The following MCC variants were observed in gnomAD, a reference collection of about 807,000 sequenced individuals.
The protein encoded by MCC is MCC regulator of Wnt signaling pathway.
Under a neutral mutation model 116.2 loss-of-function variants are expected in MCC, and 90 were observed. That is an observed-to-expected ratio of 0.77 (90% CI 0.65 to 0.92). MCC has a LOEUF of 0.92. Ranked by LOEUF, MCC falls within the 40% of genes least tolerant of loss-of-function variation. MCC has a pLI of 0.00. For missense variants in MCC, 1,516 were observed against 1,312.2 expected (o/e 1.16, Z -2.40); for synonymous variants, 578 against 510.5 (o/e 1.13, Z -1.78).
chr5:113,481,432 G>A (rs1448142663), intron 1 of MCC, among the ~76,000 whole-genome samples: 1 of 152,054 alleles, frequency 6.6e-6, no homozygotes, highest in African/African-American at 2.4e-5. Flanking sequence ...TAAATAATGA[G>A]ATTACAACAA....
chr5:113,268,348 C>G (rs528600423), intron 3 of MCC, among the ~76,000 whole-genome samples: 1 of 152,212 alleles, frequency 6.6e-6, no homozygotes, highest in Admixed American at 6.5e-5. Context: ...GACTAACACA[C>G]GTGCACAGCA....
chr5:113,231,767 G>C (rs1385363426), intron 3 of MCC, among the ~76,000 whole-genome samples: 2 of 152,148 alleles, frequency 1.3e-5, no homozygotes, highest in African/African-American at 4.8e-5. Flanking sequence ...ATTGAACTTT[G>C]AGACAAATAT....
chr5:113,091,734 G>A (rs1014491787), intron 8 of MCC, among the ~76,000 whole-genome samples: 3 of 151,958 alleles, frequency 2.0e-5, no homozygotes, highest in Non-Finnish European at 4.4e-5. Flanking sequence ...CAACAACAAC[G>A]AATCAGCCAG....
intron 3 of MCC, among the ~76,000 whole-genome samples, chr5:113,194,852 T>C (rs748701629): frequency 2.0e-5 from 3 of 152,134 alleles, no homozygotes; most frequent in African/African-American, 7.2e-5. Flanking sequence ...CTAGATGTAG[T>C]GTACAAAGCA....
In MCC at chr5:113,171,721, C is replaced by T. The variant is rs190175008; in HGVS notation, c.628-20299G>A. On this transcript the variant is annotated intron_variant, in intron 3 of 18. Transcript: ENST00000408903. Reference sequence around the variant, plus strand: ...TGGCTCTGTGGCCTGTATCATTTCACAGGTGGTTACCGGGCAGCCTCCAAG... The same window carrying T: ...TGGCTCTGTGGCCTGTATCATTTCATAGGTGGTTACCGGGCAGCCTCCAAG... 7.9e-5 allele frequency among the ~76,000 whole-genome samples: 12 copies of T among 152,232 alleles called. No individual in the cohort carries two copies. In the East Asian group the frequency reaches 1.4e-3, roughly 17 times the overall value.
intron 8 of MCC, among the ~76,000 whole-genome samples, chr5:113,100,526 C>T (rs1052071604): frequency 2.5e-5 from 3 of 120,570 alleles, no homozygotes; most frequent in African/African-American, 6.4e-5. Flanking sequence ...GGCTGGAGTG[C>T]AGTGGTGCGA....
intron 6 of MCC, among the ~76,000 whole-genome samples, chr5:113,112,027 C>T (rs1034518813): frequency 2.0e-5 from 3 of 152,180 alleles, no homozygotes; most frequent in Non-Finnish European, 2.9e-5. Flanking sequence ...AAATAAAGGG[C>T]AGCTCCAACA....
intron 3 of MCC, among the ~76,000 whole-genome samples, chr5:113,337,854 C>T (rs1177372283): frequency 1.3e-5 from 2 of 152,202 alleles, no homozygotes; most frequent in Non-Finnish European, 2.9e-5. Flanking sequence ...TATTTGCTTT[C>T]TTTGGCCACC....
chr5:113,102,017 G>C, intron 7 of MCC, 72 bp from the exon 8 acceptor site: 2 of 1,445,076 alleles, frequency 1.4e-6, no homozygotes, highest in Non-Finnish European at 9.7e-7. Flanking sequence ...AAAATAGGCT[G>C]AACAGGAATA....
At chr5:113,109,021 A>C (rs897238264) in intron 6 of MCC, among the ~76,000 whole-genome samples, 4 of 152,200 alleles carry the variant, frequency 2.6e-5, no homozygotes, top group African/African-American at 9.7e-5. Flanking sequence ...CTCTCAAGGT[A>C]CTACGTCAAG....
chr5:113,171,948 C>G (rs57086708), intron 3 of MCC, among the ~76,000 whole-genome samples: 2 of 152,104 alleles, frequency 1.3e-5, no homozygotes, highest in African/African-American at 4.8e-5. Context: ...ACCATCAGTG[C>G]CATGTTTTGA....
intron 3 of MCC, among the ~76,000 whole-genome samples, chr5:113,230,615 A>G (rs1763905835): frequency 6.6e-6 from 1 of 152,204 alleles, no homozygotes; most frequent in South Asian, 2.1e-4. Context: ...TAGTCCATCT[A>G]AAGCAGTAAA....
At chr5:113,059,899 C>T (rs149166159) in intron 14 of MCC, among the ~76,000 whole-genome samples, 2 of 152,322 alleles carry the variant, frequency 1.3e-5, no homozygotes, top group African/African-American at 2.4e-5. Context: ...AACCAGCTAT[C>T]GACGTCAAAT....
intron 5 of MCC, among the ~76,000 whole-genome samples, chr5:113,126,476 A>G (rs989522754): frequency 6.6e-6 from 1 of 152,244 alleles, no homozygotes; most frequent in Non-Finnish European, 1.5e-5. Flanking sequence ...TTTGAGCTGC[A>G]TGAATCCATT....
intron 3 of MCC, among the ~76,000 whole-genome samples, chr5:113,222,832 G>A (rs1340365291): frequency 1.3e-5 from 2 of 152,170 alleles, no homozygotes; most frequent in African/African-American, 4.8e-5. Context: ...CACTGTCAGG[G>A]GAAGGAGATA....
intron 3 of MCC, among the ~76,000 whole-genome samples, chr5:113,338,810 ATAGT>A (rs1245546883): frequency 1.3e-5 from 2 of 152,242 alleles, no homozygotes; most frequent in Non-Finnish European, 2.9e-5. Context: ...CAAGATTAGG[ATAGT>A]TAGAGTTCTA....
At chr5:113,070,841 C>CA (rs1027547802) in intron 12 of MCC, among the ~76,000 whole-genome samples, 3 of 151,842 alleles carry the variant, frequency 2.0e-5, no homozygotes, top group Non-Finnish European at 4.4e-5. Flanking sequence ...TGTAACATGC[C>CA]AAAAAAATCG....
At chr5:113,248,128 G>A (rs533692270) in intron 3 of MCC, among the ~76,000 whole-genome samples, 3 of 151,846 alleles carry the variant, frequency 2.0e-5, no homozygotes, top group Non-Finnish European at 2.9e-5. Context: ...GTTACTCCAG[G>A]CTGACGTGGG....
chr5:113,086,057 C>T (rs931937014), intron 8 of MCC, among the ~76,000 whole-genome samples: 5 of 152,124 alleles, frequency 3.3e-5, no homozygotes, highest in African/African-American at 4.8e-5. Context: ...CTGGGGACTG[C>T]GGACGAGGAC....
Sources: gnomAD v4.1 joint callset for allele counts (sites outside exome capture counted in the v4.1 genomes callset) on GRCh38, gnomAD v4.1.1 for gene constraint, MANE v1.5 for transcripts, NCBI Gene and HGNC (gene_info 2026-07-23, HGNC 2026-07-21) for gene names.